Variants in WAPL observed in about 807,000 individuals in gnomAD.
WAPL encodes wings apart-like protein homolog.
A neutral mutation model predicts 121.0 loss-of-function variants in WAPL; 5 were observed. That is an observed-to-expected ratio of 0.04 (90% CI 0.02 to 0.09). WAPL has a LOEUF of 0.09. WAPL is among the 10% of genes least tolerant of loss of function. WAPL has a pLI of 1.00. For missense variants in WAPL, 999 were observed against 1,410.8 expected, an observed-to-expected ratio of 0.71 and a Z score of 4.68; for synonymous variants, 480 against 481.5, an observed-to-expected ratio of 1.00 and a Z score of 0.04.
intron 14 of WAPL, among the ~76,000 whole-genome samples, chr10:86,452,982 T>C (rs1841027006): frequency 9.0e-6 from 1 of 110,974 alleles, no homozygotes; most frequent in Non-Finnish European, 1.7e-5. Context: ...GAGGTTGCAG[T>C]GAGCCAAGAT....
intron 16 of WAPL, among the ~76,000 whole-genome samples, chr10:86,444,674 G>T (rs1042563077): frequency 6.6e-6 from 1 of 152,094 alleles, no homozygotes; most frequent in Non-Finnish European, 1.5e-5. Flanking sequence ...GGGAGGAGGG[G>T]AAAATAGGGG....
In WAPL at chr10:86,460,453, C is replaced by T. The variant is rs745378228; in HGVS notation, c.2526G>A (p.Glu842=). ...VDHLSRDEDE[E]KLVASLWGAE... is the part of the protein sequence containing the mutation. ...CTCCCCATAGTGAGGCTACCAGTTTCTCTTCATCCTCATCTCTACTTAAAT... is the reference window on the plus strand; with the variant it reads ...CTCCCCATAGTGAGGCTACCAGTTTTTCTTCATCCTCATCTCTACTTAAAT... The change falls in exon 11 of 19, where the codon GAG becomes GAA. Residue 842 remains glutamate (E), a synonymous_variant. Coordinates refer to ENST00000298767, the MANE Select transcript of WAPL (RefSeq NM_015045.5). The T allele has an allele frequency of 3.1e-6, 5 of 1,613,652 alleles. No individual in the cohort carries two copies. The African/African-American group carries it at 5.3e-5, about 17-fold the overall frequency.
chr10:86,518,079 A>G lies in WAPL; in HGVS notation c.-10T>C. ...CAAATCTGGATGTCATTTTGACACCAGTTTCATATTCTCTGTGAAAAAAAA... is the reference window on the plus strand; with the variant it reads ...CAAATCTGGATGTCATTTTGACACCGGTTTCATATTCTCTGTGAAAAAAAA... On this transcript the variant is annotated 5_prime_UTR_variant, in exon 2 of 19. Transcript: ENST00000298767. The G allele has an allele frequency of 6.2e-7, 1 of 1,608,912 alleles. No homozygotes were observed. Among genetic ancestry groups the G allele is most frequent in the African/African-American group, 1.3e-5 (1 of 74,768 alleles).
intron 14 of WAPL, 39 bp downstream of exon 14, chr10:86,453,181 G>T: frequency 6.4e-7 from 1 of 1,569,822 alleles, no homozygotes; most frequent in Non-Finnish European, 8.7e-7. Context: ...CACCTTATTA[G>T]ATATGATACT....
intron 14 of WAPL, 114 bp from the exon 15 acceptor site, chr10:86,452,245 C>A: frequency 1.0e-6 from 1 of 970,150 alleles, no homozygotes; most frequent in Non-Finnish European, 1.5e-6. Flanking sequence ...GTTCTACCAC[C>A]TACAAAATGG....
intron 4 of WAPL, among the ~76,000 whole-genome samples, chr10:86,485,566 T>C (rs1022700073): frequency 3.9e-5 from 6 of 152,044 alleles, no homozygotes; most frequent in African/African-American, 1.4e-4. Flanking sequence ...AACAGTACTT[T>C]CATTACTTAT....
At chr10:86,497,815 T>C (rs1215654129) in intron 3 of WAPL, among the ~76,000 whole-genome samples, 1 of 152,232 alleles carries the variant, frequency 6.6e-6, no homozygotes, top group South Asian at 2.1e-4. Flanking sequence ...AGGACAGTTA[T>C]CCTTGGCAAG....
chr10:86,518,270 T>C (rs1281044056), intron 1 of WAPL, among the ~76,000 whole-genome samples, 179 bp from the exon 2 acceptor site: 1 of 152,188 alleles, frequency 6.6e-6, no homozygotes, highest in Non-Finnish European at 1.5e-5. Flanking sequence ...CCCTACATGC[T>C]TCCATGTCAA....
intron 3 of WAPL, among the ~76,000 whole-genome samples, chr10:86,498,930 T>A (rs1161647989): frequency 6.6e-6 from 1 of 152,142 alleles, no homozygotes; most frequent in Non-Finnish European, 1.5e-5. Context: ...TTAGGAGGGT[T>A]TGAGAGTGTT....
At chr10:86,467,216 G>A in intron 9 of WAPL, 63 bp downstream of exon 9, 2 of 1,477,692 alleles carry the variant, frequency 1.4e-6, no homozygotes, top group Non-Finnish European at 1.9e-6. Context: ...CACAGCTACT[G>A]CAACTAACCA....
intron 2 of WAPL, among the ~76,000 whole-genome samples, chr10:86,516,625 C>T (rs559156757): frequency 6.6e-6 from 1 of 152,216 alleles, no homozygotes; most frequent in South Asian, 2.1e-4. Flanking sequence ...CCCTGCCACC[C>T]TCAATATTAG....
chr10:86,467,153 A>G (rs1043500061), intron 9 of WAPL, 126 bp downstream of exon 9: 1 of 809,708 alleles, frequency 1.2e-6, no homozygotes, highest in Admixed American at 2.8e-5. Flanking sequence ...AAACATAAGA[A>G]ATTTGCCAAA....
chr10:86,458,956 T>C, intron 12 of WAPL, 33 bp downstream of exon 12: 2 of 1,505,360 alleles, frequency 1.3e-6, no homozygotes, highest in East Asian at 2.3e-5. Context: ...TAAGTAACAA[T>C]GTTAGTTGTT....
intron 2 of WAPL, among the ~76,000 whole-genome samples, chr10:86,510,956 A>G (rs75071243): frequency 0.069 from 10,429 of 151,362 alleles, 665 homozygotes; most frequent in East Asian, 0.38. Flanking sequence ...TCTCCCAAGT[A>G]GCTGGAACTA....
chr10:86,491,077 A>G (rs1037646489), intron 4 of WAPL, among the ~76,000 whole-genome samples: 2 of 151,444 alleles, frequency 1.3e-5, no homozygotes, highest in Admixed American at 1.3e-4. Context: ...AAATAAATAA[A>G]TAAATACATA....
At chr10:86,438,305 G>A (rs555960068) in intron 17 of WAPL, among the ~76,000 whole-genome samples, 2 of 149,734 alleles carry the variant, frequency 1.3e-5, no homozygotes, top group South Asian at 4.2e-4. Flanking sequence ...CCAGGCTGGA[G>A]TGCAGTGGTG....
chr10:86,474,654 A>C (rs1841611096), intron 4 of WAPL, among the ~76,000 whole-genome samples: 1 of 152,218 alleles, frequency 6.6e-6, no homozygotes, highest in Non-Finnish European at 1.5e-5. Flanking sequence ...ACTTGAGTCC[A>C]GGAGTTCAAG....
intron 1 of WAPL, among the ~76,000 whole-genome samples, chr10:86,519,273 A>C (rs1175004914): frequency 6.6e-6 from 1 of 152,230 alleles, no homozygotes; most frequent in Non-Finnish European, 1.5e-5. Flanking sequence ...TAACACTTTG[A>C]CCTTTCTACA....
chr10:86,453,955 C>A, intron 12 of WAPL, 124 bp from the exon 13 acceptor site: 1 of 816,072 alleles, frequency 1.2e-6, no homozygotes. Flanking sequence ...AATCTGATAC[C>A]TTAAAAAACT....
Sources: gnomAD v4.1 joint callset for allele counts (sites outside exome capture counted in the v4.1 genomes callset) on GRCh38, gnomAD v4.1.1 for gene constraint, MANE v1.5 for transcripts, NCBI Gene and HGNC (gene_info 2026-07-23, HGNC 2026-07-21) for gene names.